Variants in FBXL13 observed in about 807,000 individuals in gnomAD.
FBXL13 encodes F-box and leucine-rich repeat protein 13.
In FBXL13, 67 loss-of-function variants were observed where a neutral mutation model predicts 83.6. The ratio of observed to expected loss-of-function variants is 0.80; its 90% CI spans 0.66 to 0.98. The LOEUF is 0.98. Among genes scored for constraint, FBXL13 ranks in the 50% least tolerant of loss-of-function variants. The pLI is 0.00. For synonymous variants in FBXL13, 272 were observed against 299.5 expected (o/e 0.91, Z 0.95); for missense variants, 822 against 866.5 (o/e 0.95, Z 0.64).
intron 16 of FBXL13, among the ~76,000 whole-genome samples, chr7:102,867,668 C>CATATATATATAT (rs200661242): frequency 3.7e-4 from 27 of 72,636 alleles, no homozygotes; most frequent in African/African-American, 1.9e-3. Flanking sequence ...TAGACTTAGA[C>CATATATATATAT]ATATATATAT....
At chr7:102,933,740 CTTAATTT>C (rs1441746499) in intron 8 of FBXL13, 1 of 604,062 alleles carries the variant, frequency 1.7e-6, no homozygotes, top group Non-Finnish European at 2.8e-6. Context: ...TGCAATGGGC[CTTAATTT>C]TTAATATATA....
intron 6 of FBXL13, among the ~76,000 whole-genome samples, chr7:103,024,135 A>AAGAGAG (rs59206823): frequency 0.061 from 5,844 of 95,962 alleles, 376 homozygotes; most frequent in Non-Finnish European, 0.087. Context: ...AAAAGTTAAA[A>AAGAGAG]AGAGAGAGAG....
At chr7:103,033,662 G>T (rs1487314587) in intron 2 of FBXL13, among the ~76,000 whole-genome samples, 1 of 152,162 alleles carries the variant, frequency 6.6e-6, no homozygotes, top group Non-Finnish European at 1.5e-5. Context: ...GAGTGAAGCT[G>T]CAGACCTTCA....
chr7:103,027,800 C>G (rs899710840), intron 4 of FBXL13, among the ~76,000 whole-genome samples: 11 of 152,162 alleles, frequency 7.2e-5, no homozygotes, highest in Admixed American at 4.6e-4. Context: ...ATAGAAATGT[C>G]AAGACATGTA....
chr7:102,987,486 G>A (rs1829110121), intron 6 of FBXL13, among the ~76,000 whole-genome samples: 1 of 152,098 alleles, frequency 6.6e-6, no homozygotes, highest in African/African-American at 2.4e-5. Context: ...AAGATATGGG[G>A]AGGATTACAT....
At chr7:102,860,998 C>T (rs1806737265) in intron 16 of FBXL13, among the ~76,000 whole-genome samples, 1 of 150,976 alleles carries the variant, frequency 6.6e-6, no homozygotes, top group Non-Finnish European at 1.5e-5. Flanking sequence ...TATACACACA[C>T]ATATATATAT....
At chr7:102,958,051 A>G (rs1284230861) in intron 8 of FBXL13, among the ~76,000 whole-genome samples, 1 of 152,176 alleles carries the variant, frequency 6.6e-6, no homozygotes, top group Non-Finnish European at 1.5e-5. Context: ...TACCCAAAGG[A>G]TTATAAATCA....
intron 16 of FBXL13, among the ~76,000 whole-genome samples, chr7:102,875,682 G>A (rs1434394438): frequency 6.6e-6 from 1 of 152,120 alleles, no homozygotes; most frequent in Non-Finnish European, 1.5e-5. Context: ...TTTAATGGGG[G>A]AATGGCTACA....
intron 19 of FBXL13, 83 bp from the exon 21 acceptor site, chr7:102,813,614 A>T: frequency 7.1e-7 from 1 of 1,400,936 alleles, no homozygotes; most frequent in East Asian, 2.3e-5. Flanking sequence ...ATTTGGAGTT[A>T]GGGAATTCAC....
intron 1 of FBXL13, among the ~76,000 whole-genome samples, chr7:103,066,558 A>AT (rs563601846): frequency 4.0e-5 from 6 of 150,386 alleles, no homozygotes; most frequent in Admixed American, 2.0e-4. Context: ...CGCCCAGCTA[A>AT]TTTTTTTTGT....
intron 19 of FBXL13, among the ~76,000 whole-genome samples, chr7:102,816,729 A>G (rs1433067419): frequency 6.6e-6 from 1 of 152,180 alleles, no homozygotes; most frequent in Non-Finnish European, 1.5e-5. Flanking sequence ...AGTGAACATA[A>G]TGCCCAGTAG....
upstream of FBXL13, chr7:103,074,678 G>T (rs545772692): frequency 2.6e-5 from 33 of 1,286,998 alleles, no homozygotes; most frequent in African/African-American, 4.9e-4. Flanking sequence ...TGTGTCCGCT[G>T]CCACGCGTGT....
At chr7:102,898,179 CAT>C (rs536484230) in intron 11 of FBXL13, among the ~76,000 whole-genome samples, 11 of 151,436 alleles carry the variant, frequency 7.3e-5, no homozygotes, top group East Asian at 4.0e-4. Flanking sequence ...CACACACACA[CAT>C]ACATATATAT....
At chr7:102,985,472 T>C (rs2129483904) in intron 6 of FBXL13, among the ~76,000 whole-genome samples, 1 of 152,300 alleles carries the variant, frequency 6.6e-6, no homozygotes, top group Admixed American at 6.5e-5. Context: ...AGAGGCATGT[T>C]ACAACTCAGG....
chr7:103,043,731 C>A (rs1429215437), intron 2 of FBXL13, among the ~76,000 whole-genome samples: 1 of 152,152 alleles, frequency 6.6e-6, no homozygotes, highest in Non-Finnish European at 1.5e-5. Flanking sequence ...CCAGGCTGGT[C>A]TTGAACTCCT....
intron 6 of FBXL13, among the ~76,000 whole-genome samples, chr7:102,977,490 T>A (rs1827639425): frequency 6.6e-6 from 1 of 152,184 alleles, no homozygotes; most frequent in Non-Finnish European, 1.5e-5. Context: ...CTGGAAAGGA[T>A]GGGACCTGGC....
intron 8 of FBXL13, among the ~76,000 whole-genome samples, chr7:102,958,914 G>C (rs1255797182): frequency 6.6e-6 from 1 of 151,882 alleles, no homozygotes; most frequent in Admixed American, 6.6e-5. Context: ...GAAATTAAAA[G>C]ACGTATTAAT....
chr7:103,070,779 A>C (rs1050892840), intron 1 of FBXL13, among the ~76,000 whole-genome samples: 1 of 152,124 alleles, frequency 6.6e-6, no homozygotes, highest in Admixed American at 6.5e-5. Context: ...TCTTCTAAAC[A>C]ACCAGCTCTT....
At chr7:103,068,140 A>T (rs1798570616) in intron 1 of FBXL13, among the ~76,000 whole-genome samples, 1 of 152,060 alleles carries the variant, frequency 6.6e-6, no homozygotes, top group African/African-American at 2.4e-5. Flanking sequence ...AGAAAGGTCA[A>T]GGATGTGAAC....
Sources: allele counts gnomAD v4.1 joint callset (sites outside exome capture counted in the v4.1 genomes callset), GRCh38; gene constraint gnomAD v4.1.1; transcripts MANE v1.5; gene names NCBI Gene and HGNC (gene_info 2026-07-23, HGNC 2026-07-21).